The following DOCK4 variants were observed in gnomAD, a reference collection of about 807,000 sequenced individuals.
DOCK4 encodes the protein dedicator of cytokinesis 4.
DOCK4 carries 97 observed loss-of-function variants against 268.1 expected under a neutral mutation model. The ratio of observed to expected loss-of-function variants is 0.36; its 90% CI spans 0.31 to 0.43. DOCK4 has a LOEUF of 0.43. Ranked by LOEUF, DOCK4 falls within the 20% of genes least tolerant of loss-of-function variation. The probability of loss-of-function intolerance (pLI) is 1.00; values close to 1 mark genes in which losing one functional copy is unlikely to be tolerated. For missense variants in DOCK4, 2,145 were observed against 2,455.7 expected, an observed-to-expected ratio of 0.87 and a Z score of 2.67; for synonymous variants, 954 against 887.2, an observed-to-expected ratio of 1.08 and a Z score of -1.34.
chr7:111,837,083 T>G (rs185333071), intron 25 of DOCK4, among the ~76,000 whole-genome samples: 390 of 152,046 alleles, frequency 2.6e-3, no homozygotes, highest in Non-Finnish European at 4.0e-3. Context: ...AGGCACATCA[T>G]AATCAAATTG....
At chr7:112,038,612 G>T (rs1438077967) in intron 1 of DOCK4, among the ~76,000 whole-genome samples, 1 of 152,170 alleles carries the variant, frequency 6.6e-6, no homozygotes, top group Non-Finnish European at 1.5e-5. Flanking sequence ...ACTGCACCCA[G>T]GACAGGCTAC....
intron 1 of DOCK4, among the ~76,000 whole-genome samples, chr7:112,041,783 T>C (rs765686858): frequency 2.3e-4 from 35 of 152,324 alleles, no homozygotes; most frequent in Middle Eastern, 6.8e-3. Context: ...ATTATTTCCA[T>C]GACCCCATCC....
At chr7:111,785,550 C>T (rs1426742017) in intron 32 of DOCK4, among the ~76,000 whole-genome samples, 1 of 152,176 alleles carries the variant, frequency 6.6e-6, no homozygotes, top group East Asian at 1.9e-4. Flanking sequence ...TTATGCACAA[C>T]CTGTTTCCTT....
At position 111,851,231 on chromosome 7, in the gene DOCK4, T is replaced by C. The variant is rs192162108; in HGVS notation, c.2474-4105A>G. ...AGGCTGAGACGGGTGGATCACGAGG[T>C]CAGGAGATTGAGCCCATGCTGGCTA... On this transcript the variant is annotated intron_variant, in intron 23 of 52. Coordinates refer to ENST00000428084, the MANE Select transcript of DOCK4 (RefSeq NM_001363540.2). Among the ~76,000 whole-genome samples, 571 of 152,010 alleles carry C rather than the reference T, an allele frequency of 3.8e-3. 3 individuals carry two copies. The highest frequency in any genetic ancestry group is 0.013 in the African/African-American group (542 of 41,444).
chr7:112,055,591 A>G (rs977277028), intron 1 of DOCK4, among the ~76,000 whole-genome samples: 1 of 152,166 alleles, frequency 6.6e-6, no homozygotes, highest in African/African-American at 2.4e-5. Context: ...TTGTACTGCA[A>G]AAGACGAGAT....
intron 13 of DOCK4, among the ~76,000 whole-genome samples, chr7:111,913,231 G>T (rs1792280970): frequency 6.6e-6 from 1 of 151,894 alleles, no homozygotes; most frequent in East Asian, 1.9e-4. Context: ...TCAGTGCTGG[G>T]ATTACAGGCA....
intron 13 of DOCK4, among the ~76,000 whole-genome samples, chr7:111,911,666 C>G (rs1027898103): frequency 3.9e-5 from 6 of 152,196 alleles, no homozygotes; most frequent in African/African-American, 1.4e-4. Context: ...CACACAAAAG[C>G]TGCGTGAGCA....
chr7:112,091,472 T>C (rs538998538), intron 1 of DOCK4, among the ~76,000 whole-genome samples: 1 of 152,214 alleles, frequency 6.6e-6, no homozygotes, highest in Non-Finnish European at 1.5e-5. Flanking sequence ...AATACACCTT[T>C]ACTCTTGAAC....
intron 52 of DOCK4, among the ~76,000 whole-genome samples, chr7:111,731,413 G>T (rs191581728): frequency 6.6e-6 from 1 of 152,176 alleles, no homozygotes; most frequent in Non-Finnish European, 1.5e-5. Context: ...GACATGGAGC[G>T]TGTAAATCCT....
chr7:111,933,376 C>T (rs1414506071), intron 12 of DOCK4, among the ~76,000 whole-genome samples: 4 of 147,320 alleles, frequency 2.7e-5, no homozygotes, highest in African/African-American at 1.0e-4. Context: ...CTCACTGCAA[C>T]CTCCGACTCC....
At chr7:112,103,852 A>G (rs1810904807) in intron 1 of DOCK4, among the ~76,000 whole-genome samples, 1 of 152,338 alleles carries the variant, frequency 6.6e-6, no homozygotes, top group South Asian at 2.1e-4. Flanking sequence ...ATTGCACTCC[A>G]GCCTGGGCGA....
At position 111,905,178 on chromosome 7, in the gene DOCK4, T is replaced by C. The variant is rs116076696; in HGVS notation, c.1193-3377A>G. 1.9e-3 allele frequency among the ~76,000 whole-genome samples: 293 copies of C among 152,290 alleles called. 2 individuals carry two copies. The highest frequency in any genetic ancestry group is 6.5e-3 in the African/African-American group (271 of 41,540). On this transcript the variant is annotated intron_variant, in intron 13 of 52. Coordinates refer to ENST00000428084, the MANE Select transcript of DOCK4 (RefSeq NM_001363540.2). ...GCTAATTAAATCAATACACTTGAGGTTGACTCTGGAGAAAACTCATGAGTC... is the reference window on the plus strand; with the variant it reads ...GCTAATTAAATCAATACACTTGAGGCTGACTCTGGAGAAAACTCATGAGTC...
At chr7:112,174,565 C>T (rs548645637) in intron 1 of DOCK4, among the ~76,000 whole-genome samples, 33 of 152,006 alleles carry the variant, frequency 2.2e-4, no homozygotes, top group African/African-American at 8.0e-4. Context: ...ATACACATCA[C>T]CATATATGTA....
At chr7:111,896,833 T>C (rs1240232573) in intron 15 of DOCK4, among the ~76,000 whole-genome samples, 1 of 152,162 alleles carries the variant, frequency 6.6e-6, no homozygotes, top group African/African-American at 2.4e-5. Flanking sequence ...TGGTCCCTAA[T>C]ATGAGGACAT....
At chr7:112,192,741 T>C (rs761029664) in intron 1 of DOCK4, among the ~76,000 whole-genome samples, 6 of 152,204 alleles carry the variant, frequency 3.9e-5, no homozygotes, top group Admixed American at 6.5e-5. Flanking sequence ...TCCAGTTCTA[T>C]ATCTCTTTGG....
intron 1 of DOCK4, among the ~76,000 whole-genome samples, chr7:112,176,902 C>T (rs778525109): frequency 2.1e-4 from 32 of 152,118 alleles, no homozygotes; most frequent in Non-Finnish European, 4.1e-4. Flanking sequence ...TGTTGATCAT[C>T]GACATGTGAG....
At position 112,128,736 on chromosome 7, in the gene DOCK4, C is replaced by T. The variant is rs537972497; in HGVS notation, c.37+77366G>A. On this transcript the variant is annotated intron_variant, in intron 1 of 52. Transcript: ENST00000428084. ...AGGCAGCATGCTCGTTAAGAGTCAT[C>T]ACCACTCCCTAATCTCAAGTACCCA... Among the ~76,000 whole-genome samples the T allele has an allele frequency of 3.3e-5, 5 of 152,020 alleles. No homozygotes were observed. In the South Asian group the frequency reaches 1.0e-3, roughly 32 times the overall value.
At chr7:112,075,166 G>A (rs1296479483) in intron 1 of DOCK4, among the ~76,000 whole-genome samples, 1 of 152,200 alleles carries the variant, frequency 6.6e-6, no homozygotes, top group South Asian at 2.1e-4. Flanking sequence ...TGGGGTCAGG[G>A]AAAGACACTG....
chr7:111,808,539 G>A lies in DOCK4; in HGVS notation c.3166+282C>T, dbSNP rs557160827. The A allele has an allele frequency of 1.3e-4, 38 of 287,532 alleles. 1 individual carries two copies. The South Asian group carries it at 3.5e-3, about 27-fold the overall frequency. The allele number at this position is 287,532 out of a possible 1,614,324, so 17.8% of individuals were successfully genotyped here. On this transcript the variant is annotated intron_variant, in intron 30 of 52. Transcript: ENST00000428084. ...CCAAATTCTGAAAGGTTGCCTCATC[G>A]CTGGAAATATGTGTAATGTTGGAGC...
Sources: allele counts gnomAD v4.1 joint callset (sites outside exome capture counted in the v4.1 genomes callset), GRCh38; gene constraint gnomAD v4.1.1; transcripts MANE v1.5; gene names NCBI Gene and HGNC (gene_info 2026-07-23, HGNC 2026-07-21).